Variants in INPP5F observed in about 807,000 individuals in gnomAD.
The protein encoded by INPP5F is phosphatidylinositide 4-phosphatase SAC2.
INPP5F carries 97 observed loss-of-function variants against 137.2 expected under a neutral mutation model. The ratio of observed to expected loss-of-function variants is 0.71; its 90% confidence interval spans 0.60 to 0.84. INPP5F has a LOEUF of 0.84. INPP5F is among the 40% of genes least tolerant of loss of function. The probability of loss-of-function intolerance (pLI) is 0.00; values close to 1 mark genes in which losing one functional copy is unlikely to be tolerated. For synonymous variants in INPP5F, 504 were observed against 476.9 expected, an observed-to-expected ratio of 1.06 and a Z score of -0.74; for missense variants, 1,271 against 1,371.9, an observed-to-expected ratio of 0.93 and a Z score of 1.16.
intron 2 of INPP5F, among the ~76,000 whole-genome samples, chr10:119,780,500 C>T (rs1849666530): frequency 6.6e-6 from 1 of 152,092 alleles, no homozygotes. Context: ...TTGCTTGAGC[C>T]CAGGAGGCAG....
chr10:119,823,410 A>C lies in INPP5F; in HGVS notation c.2161+211A>C, dbSNP rs958079642. 2.6e-5 allele frequency among the ~76,000 whole-genome samples: 4 copies of C among 152,166 alleles called. No homozygotes were observed. The East Asian group carries it at 7.7e-4, about 29-fold the overall frequency. ...GTATTATTTAGTCTGGGGCAAGGGA[A>C]TCTTTAGCGGGGATTCTCAGGGAGT... On this transcript the variant is annotated intron_variant, in intron 18 of 19. Transcript: ENST00000650623.
At position 119,771,870 on chromosome 10, in the gene INPP5F, ATATATATATATATTTTTTTTTT is replaced by A. The variant is rs1188546762; in HGVS notation, c.179-9763_179-9742del. 4.3e-4 allele frequency among the ~76,000 whole-genome samples: 7 copies of A among 16,468 alleles called. 1 individual carries two copies. The highest frequency in any genetic ancestry group is 1.4e-3 in the African/African-American group (6 of 4,300). 10.8% of individuals were successfully genotyped at this position (16,468 alleles called of 152,430 possible). On this transcript the variant is annotated intron_variant, in intron 2 of 19. Coordinates refer to ENST00000650623, the MANE Select transcript of INPP5F (RefSeq NM_014937.4). ...GATATATATATATATATATATATAT[ATATATATATATATTTTTTTTTT>A]TTTTTTTTTTTTTTTTTTTTTGAGA...
intron 3 of INPP5F, among the ~76,000 whole-genome samples, chr10:119,790,894 C>T (rs1850117046): frequency 6.6e-6 from 1 of 152,224 alleles, no homozygotes; most frequent in Admixed American, 6.5e-5. Flanking sequence ...CCTTCCTTAC[C>T]CTTGTCAGCT....
chr10:119,763,710 T>C (rs1849072865), intron 2 of INPP5F, among the ~76,000 whole-genome samples: 1 of 152,350 alleles, frequency 6.6e-6, no homozygotes, highest in African/African-American at 2.4e-5. Context: ...ATAGTCTGGC[T>C]AGAACTTTTC....
intron 9 of INPP5F, among the ~76,000 whole-genome samples, chr10:119,799,529 C>T (rs1850508622): frequency 6.6e-6 from 1 of 151,804 alleles, no homozygotes; most frequent in Non-Finnish European, 1.5e-5. Context: ...AAAGTCTCAG[C>T]AGGGAAATAG....
At chr10:119,735,886 T>C (rs1848201922) in intron 1 of INPP5F, among the ~76,000 whole-genome samples, 1 of 152,210 alleles carries the variant, frequency 6.6e-6, no homozygotes, top group African/African-American at 2.4e-5. Flanking sequence ...CCCAGCCACT[T>C]TGGGAGGCTG....
chr10:119,740,109 A>G (rs1415948889), intron 1 of INPP5F, among the ~76,000 whole-genome samples: 4 of 151,992 alleles, frequency 2.6e-5, no homozygotes, highest in African/African-American at 9.7e-5. Flanking sequence ...TACACTTTCT[A>G]TTTATATTCT....
At chr10:119,793,153 A>T (rs1488889342) in intron 6 of INPP5F, among the ~76,000 whole-genome samples, 3 of 152,210 alleles carry the variant, frequency 2.0e-5, no homozygotes, top group Admixed American at 6.5e-5. Context: ...GAGCTCTAAC[A>T]TGTTTTGCCG....
At chr10:119,797,777 A>G in intron 8 of INPP5F, 137 bp downstream of exon 8, 2 of 624,234 alleles carry the variant, frequency 3.2e-6, no homozygotes, top group Admixed American at 3.5e-5. Flanking sequence ...GAAAAATGTA[A>G]TAGAAAGTAA....
In INPP5F at chr10:119,827,241, A is replaced by C. The variant is rs1226958025; in HGVS notation, c.2860A>C (p.Lys954Gln). ...CGTACACATATTGACTGGCTTTGCC[A>C]AGCCTATGGATATTTACTGCCACAG... ...GDVHILTGFA[K>Q]PMDIYCHRFV... Residue 954 changes from lysine to glutamine, a missense_variant, in exon 20 of 20, where the codon AAG (lysine) becomes CAG (glutamine). This residue lies in a region of INPP5F where 490 missense variants were observed against 443.7 expected (regional missense o/e 1.10). Coordinates refer to ENST00000650623, the MANE Select transcript of INPP5F (RefSeq NM_014937.4). The C allele has an allele frequency of 6.2e-7, 1 of 1,614,162 alleles. No individual in the cohort carries two copies. The highest frequency in any genetic ancestry group is 1.7e-5 in the Admixed American group (1 of 60,012).
chr10:119,822,420 C>G lies in INPP5F; in HGVS notation c.1959-11C>G. ...TTAAATCCTCTTTTAACTTCATTTC[C>G]TTTTATCTAGTTATGATGATGAAGT... On this transcript the variant is annotated splice_polypyrimidine_tract_variant and intron_variant, in intron 16 of 19. Transcript: ENST00000650623. The G allele has an allele frequency of 7.1e-7, 1 of 1,410,004 alleles. No individual in the cohort carries two copies. Among genetic ancestry groups the G allele is most frequent in the Non-Finnish European group, 9.8e-7 (1 of 1,023,678 alleles). The allele number at this position is 1,410,004 out of a possible 1,614,324, so 87.3% of individuals were successfully genotyped here.
chr10:119,765,053 C>G (rs1849116887), intron 2 of INPP5F, among the ~76,000 whole-genome samples: 1 of 152,150 alleles, frequency 6.6e-6, no homozygotes, highest in South Asian at 2.1e-4. Flanking sequence ...CTGCCTCAAC[C>G]TCCCGAGTAG....
At chr10:119,771,791 G>T (rs1213538622) in intron 2 of INPP5F, among the ~76,000 whole-genome samples, 2 of 124,146 alleles carry the variant, frequency 1.6e-5, no homozygotes, top group Non-Finnish European at 3.2e-5. Flanking sequence ...TTTCATTATT[G>T]CTGAGCTTAA....
intron 1 of INPP5F, among the ~76,000 whole-genome samples, chr10:119,732,329 G>A (rs1041384355): frequency 1.3e-5 from 2 of 151,646 alleles, no homozygotes; most frequent in Admixed American, 6.6e-5. Context: ...GAGCCACCAC[G>A]CCTGGTAGGA....
intron 17 of INPP5F, among the ~76,000 whole-genome samples, 194 bp downstream of exon 17, chr10:119,822,698 C>T (rs925429106): frequency 2.6e-5 from 4 of 152,156 alleles, no homozygotes; most frequent in Admixed American, 6.5e-5. Context: ...GCAGAAATGT[C>T]GGCTCTTCTT....
chr10:119,813,067 T>C (rs1219232109), intron 15 of INPP5F, among the ~76,000 whole-genome samples: 1 of 152,222 alleles, frequency 6.6e-6, no homozygotes, highest in African/African-American at 2.4e-5. Flanking sequence ...GTCAAGTGTT[T>C]TTGTGTCTAC....
intron 1 of INPP5F, among the ~76,000 whole-genome samples, chr10:119,734,595 A>G (rs1430894200): frequency 1.3e-5 from 2 of 152,052 alleles, no homozygotes; most frequent in African/African-American, 2.4e-5. Flanking sequence ...CAGCCTCCCA[A>G]AGTTCTCAGA....
chr10:119,772,774 C>G (rs938257513), intron 2 of INPP5F, among the ~76,000 whole-genome samples: 5 of 151,768 alleles, frequency 3.3e-5, no homozygotes, highest in Admixed American at 6.6e-5. Context: ...GATGGAATCT[C>G]GCTCTGTAGC....
At chr10:119,783,960 C>T (rs1564827290) in intron 3 of INPP5F, among the ~76,000 whole-genome samples, 1 of 152,076 alleles carries the variant, frequency 6.6e-6, no homozygotes, top group Non-Finnish European at 1.5e-5. Context: ...TAGTTTGGTA[C>T]ACCTTTCTCT....
Sources: allele counts gnomAD v4.1 joint callset (sites outside exome capture counted in the v4.1 genomes callset), GRCh38; gene constraint gnomAD v4.1.1; regional missense constraint gnomAD v4.1.1; transcripts MANE v1.5; gene names NCBI Gene and HGNC (gene_info 2026-07-23, HGNC 2026-07-21).